Variants in LRRFIP2 observed in about 807,000 individuals in gnomAD.
The protein encoded by LRRFIP2 is leucine-rich repeat flightless-interacting protein 2.
Under a neutral mutation model 125.9 loss-of-function variants are expected in LRRFIP2, and 109 were observed. The ratio of observed to expected loss-of-function variants is 0.87; its 90% CI spans 0.74 to 1.01. The LOEUF is 1.01. Ranked by LOEUF, LRRFIP2 falls within the 50% of genes least tolerant of loss-of-function variation. The probability of loss-of-function intolerance (pLI) is 0.00; values close to 1 mark genes in which losing one functional copy is unlikely to be tolerated. For synonymous variants in LRRFIP2, 291 were observed against 293.1 expected, an observed-to-expected ratio of 0.99 and a Z score of 0.07; for missense variants, 850 against 862.3, an observed-to-expected ratio of 0.99 and a Z score of 0.18.
intron 1 of LRRFIP2, among the ~76,000 whole-genome samples, chr3:37,163,746 T>C (rs541101422): frequency 1.3e-5 from 2 of 152,324 alleles, no homozygotes; most frequent in Non-Finnish European, 2.9e-5. Flanking sequence ...TTAAAAATTT[T>C]GGCCAAAAAT....
At chr3:37,054,322 A>T in intron 27 of LRRFIP2, 89 bp downstream of exon 27, 2 of 1,094,902 alleles carry the variant, frequency 1.8e-6, no homozygotes, top group East Asian at 2.4e-5. Context: ...TTCCTTAAGT[A>T]TCAAATTTCT....
rs1052503450 is a variant in LRRFIP2 at position 37,098,317 on chromosome 3, G to A, written c.874-1657C>T. 1.1e-4 allele frequency among the ~76,000 whole-genome samples: 17 copies of A among 151,532 alleles called. No individual in the cohort carries two copies. In the East Asian group the frequency reaches 2.9e-3, roughly 26 times the overall value. On this transcript the variant is annotated intron_variant, in intron 15 of 27. Coordinates refer to ENST00000336686, the MANE Select transcript of LRRFIP2 (RefSeq NM_006309.4). ...CTATACTTTAAGTTCTAGGGTACATGTGTACAACGTGCAGGTTTGTTACAT... is the reference window on the plus strand; with the variant it reads ...CTATACTTTAAGTTCTAGGGTACATATGTACAACGTGCAGGTTTGTTACAT...
intron 17 of LRRFIP2, chr3:37,093,315 CATCT>C (rs1453042907): frequency 6.5e-6 from 1 of 152,754 alleles, no homozygotes; most frequent in Non-Finnish European, 1.5e-5. Flanking sequence ...CAAGCTCATC[CATCT>C]GAGTCCTGGA....
chr3:37,146,521 TG>T (rs2095859418), intron 2 of LRRFIP2, among the ~76,000 whole-genome samples: 1 of 152,242 alleles, frequency 6.6e-6, no homozygotes, highest in Non-Finnish European at 1.5e-5. Flanking sequence ...TGTGTCCATG[TG>T]TTCTCATTGT....
chr3:37,129,279 A>T, intron 2 of LRRFIP2, 130 bp from the exon 3 acceptor site: 1 of 693,534 alleles, frequency 1.4e-6, no homozygotes, highest in Non-Finnish European at 2.5e-6. Context: ...TCTATCAGCA[A>T]GCAAGTTTGA....
At chr3:37,171,444 A>AC (rs2096586110) in intron 1 of LRRFIP2, among the ~76,000 whole-genome samples, 2 of 147,664 alleles carry the variant, frequency 1.4e-5, no homozygotes, top group Non-Finnish European at 3.0e-5. Flanking sequence ...TCAGTATGTA[A>AC]TTTTTTTTTT....
At chr3:37,054,269 G>C in intron 27 of LRRFIP2, 142 bp downstream of exon 27, 1 of 666,454 alleles carries the variant, frequency 1.5e-6, no homozygotes, top group Non-Finnish European at 2.6e-6. Context: ...TCACTATGCA[G>C]GTCAAAAACC....
rs969219060 is a variant in LRRFIP2, at chr3:37,144,234, A to C, written c.90+4660T>G. The stretch of plus-strand genomic sequence containing the variant: ...GAAGGACACATTTTTATTTTATCAC[A>C]CTGATTCCTTAATAGGAGGAAGGAG... On this transcript the variant is annotated intron_variant, in intron 2 of 27. Transcript: ENST00000336686. Among the ~76,000 whole-genome samples, 3 of 152,186 alleles carry C rather than the reference A, an allele frequency of 2.0e-5. No homozygotes were observed. The South Asian group carries it at 6.2e-4, about 31-fold the overall frequency.
At chr3:37,122,091 C>G (rs2095077223) in intron 4 of LRRFIP2, among the ~76,000 whole-genome samples, 2 of 127,374 alleles carry the variant, frequency 1.6e-5, no homozygotes. Context: ...ACAACAAGCC[C>G]TATGTGTGAT....
intron 2 of LRRFIP2, among the ~76,000 whole-genome samples, chr3:37,143,342 C>T (rs1419882765): frequency 2.6e-5 from 4 of 152,172 alleles, no homozygotes; most frequent in South Asian, 2.1e-4. Flanking sequence ...AGATGGTCTT[C>T]GTCAGGACAA....
chr3:37,080,172 G>A (rs2092504552), intron 19 of LRRFIP2, among the ~76,000 whole-genome samples: 1 of 152,076 alleles, frequency 6.6e-6, no homozygotes, highest in Admixed American at 6.6e-5. Flanking sequence ...GGCCGAGGTG[G>A]GTGGATCACC....
At chr3:37,057,861 G>A (rs1488959706) in intron 25 of LRRFIP2, among the ~76,000 whole-genome samples, 2 of 152,082 alleles carry the variant, frequency 1.3e-5, no homozygotes, top group Non-Finnish European at 2.9e-5. Flanking sequence ...TCCTACTATG[G>A]GAATTAGTGT....
At chr3:37,056,418 G>C (rs1230246215) in intron 25 of LRRFIP2, among the ~76,000 whole-genome samples, 1 of 151,468 alleles carries the variant, frequency 6.6e-6, no homozygotes, top group Non-Finnish European at 1.5e-5. Flanking sequence ...CATGACCAAG[G>C]TTACAATTAC....
intron 18 of LRRFIP2, among the ~76,000 whole-genome samples, chr3:37,090,473 G>A (rs1278320238): frequency 2.6e-5 from 4 of 152,018 alleles, no homozygotes; most frequent in Non-Finnish European, 5.9e-5. Flanking sequence ...CAGGTCATCC[G>A]CCCACCTCGG....
At chr3:37,125,343 C>A (rs1272549996) in intron 4 of LRRFIP2, among the ~76,000 whole-genome samples, 1 of 152,138 alleles carries the variant, frequency 6.6e-6, no homozygotes, top group Non-Finnish European at 1.5e-5. Context: ...AAGAAAGACA[C>A]CCAGTTTAAA....
In LRRFIP2 at chr3:37,066,278, T is replaced by C. The variant is rs1249014522; in HGVS notation, c.1512A>G (p.Arg504=). 4.3e-6 allele frequency: 7 copies of C among 1,614,048 alleles called. No individual in the cohort carries two copies. Among genetic ancestry groups the C allele is most frequent in the Non-Finnish European group, 5.1e-6 (6 of 1,179,998 alleles). The part of the protein sequence containing the change: ...KEYIACLRNE[R]DMLREELADL... ...CAGCCAGCTCCTCTCTGAGCATATC[T>C]CGCTCATTCCTAAGGCAGGCAATGT... The change falls in exon 22 of 28, where the codon CGA becomes CGG. Residue 504 remains arginine, a synonymous_variant. Transcript: ENST00000336686.
At position 37,100,772 on chromosome 3, in the gene LRRFIP2, G is replaced by C. The variant is rs534757562; in HGVS notation, c.873+2152C>G. Among the ~76,000 whole-genome samples the C allele has an allele frequency of 2.6e-5, 4 of 152,216 alleles. No individual in the cohort carries two copies. The South Asian group carries it at 6.2e-4, about 24-fold the overall frequency. On this transcript the variant is annotated intron_variant, in intron 15 of 27. Transcript: ENST00000336686. ...AGTTTAATTGTCCATACTTATGGGG[G>C]AAAAACGGGGATTGCTAGGCAATTT...
chr3:37,164,627 G>A (rs752637374), intron 1 of LRRFIP2, among the ~76,000 whole-genome samples: 3 of 151,400 alleles, frequency 2.0e-5, no homozygotes, highest in Non-Finnish European at 4.4e-5. Context: ...AGGCAGAGGC[G>A]GGAAAATTGC....
intron 1 of LRRFIP2, among the ~76,000 whole-genome samples, chr3:37,154,025 A>AAAAAAAT (rs61706858): frequency 1.3e-5 from 2 of 151,838 alleles, no homozygotes; most frequent in Non-Finnish European, 1.5e-5. Context: ...AAAAAAAAAA[A>AAAAAAAT]TTATCCAGAC....
Sources: allele counts gnomAD v4.1 joint callset (sites outside exome capture counted in the v4.1 genomes callset), GRCh38; gene constraint gnomAD v4.1.1; transcripts MANE v1.5; gene names NCBI Gene and HGNC (gene_info 2026-07-23, HGNC 2026-07-21).